The following ZNF138 variants were observed in gnomAD, a reference collection of about 807,000 sequenced individuals.
ZNF138 encodes zinc finger protein 138, also known as zinc finger protein 138 (clone pHZ-32).
A neutral mutation model predicts 33.0 loss-of-function variants in ZNF138; 33 were observed. The ratio of observed to expected loss-of-function variants is 1.00; its 90% CI spans 0.76 to 1.34. The LOEUF is 1.34. ZNF138 is among the 40% of genes most tolerant of loss of function. ZNF138 has a pLI of 0.00. For missense variants in ZNF138, 360 were observed against 370.8 expected (o/e 0.97, Z 0.24); for synonymous variants, 139 against 120.4 (o/e 1.15, Z -1.01).
At chr7:64,815,886 G>A (rs964383810) in intron 3 of ZNF138, among the ~76,000 whole-genome samples, 4 of 151,976 alleles carry the variant, frequency 2.6e-5, no homozygotes, top group Admixed American at 6.6e-5. Context: ...GAGAGCCAAC[G>A]TCCTTTTCAT....
intron 3 of ZNF138, among the ~76,000 whole-genome samples, chr7:64,826,833 A>G (rs1230258007): frequency 1.3e-5 from 2 of 151,724 alleles, no homozygotes; most frequent in East Asian, 2.0e-4. Flanking sequence ...TATTTTTAGT[A>G]TAGACAAGGT....
intron 1 of ZNF138, among the ~76,000 whole-genome samples, chr7:64,811,074 T>G (rs1323701551): frequency 6.6e-6 from 1 of 152,208 alleles, no homozygotes; most frequent in Non-Finnish European, 1.5e-5. Context: ...GCATTAAAGT[T>G]TTTCTTTCTG....
chr7:64,840,637 G>A, the ZNF138 span, among the ~76,000 whole-genome samples: 1 of 151,956 alleles, frequency 6.6e-6, no homozygotes, highest in South Asian at 2.1e-4. Flanking sequence ...ACTGACTACA[G>A]GGTCATTTTT....
At chr7:64,797,041 C>A (rs1786745515) in intron 1 of ZNF138, among the ~76,000 whole-genome samples, 1 of 152,152 alleles carries the variant, frequency 6.6e-6, no homozygotes, top group African/African-American at 2.4e-5. Context: ...CAGAGCGAGA[C>A]TCCATCTCAA....
chr7:64,828,663 A>T lies in ZNF138; in HGVS notation c.209-2788A>T, dbSNP rs545400332. Among the ~76,000 whole-genome samples the T allele has an allele frequency of 5.3e-5, 8 of 152,218 alleles. No individual in the cohort carries two copies. In the South Asian group the frequency reaches 1.7e-3, roughly 32 times the overall value. On this transcript the variant is annotated intron_variant, in intron 3 of 3. Transcript: ENST00000307355. ...TGACTGTATATTTGAAAGTATATAT[A>T]TGTTGCATTCTATTTTATTAGTCTA...
At chr7:64,844,668 TG>T in the ZNF138 span, among the ~76,000 whole-genome samples, 2 of 148,426 alleles carry the variant, frequency 1.3e-5, no homozygotes, top group African/African-American at 5.0e-5. Flanking sequence ...AAGTTTTATG[TG>T]TTTTTTTGTT....
chr7:64,836,926 G>T (rs982165781), downstream of ZNF138: 3 of 152,210 alleles, frequency 2.0e-5, no homozygotes, highest in South Asian at 2.1e-4. Flanking sequence ...CAGTGAGAGG[G>T]AGTCTGAGAG....
At chr7:64,825,862 G>A (rs960685860) in intron 3 of ZNF138, among the ~76,000 whole-genome samples, 1 of 151,928 alleles carries the variant, frequency 6.6e-6, no homozygotes, top group African/African-American at 2.4e-5. Flanking sequence ...TTAAGATACT[G>A]TTACACTTCG....
At chr7:64,804,027 A>G (rs932612607) in intron 1 of ZNF138, among the ~76,000 whole-genome samples, 49 of 152,238 alleles carry the variant, frequency 3.2e-4, no homozygotes, top group African/African-American at 1.1e-3. Context: ...ATATTCCACT[A>G]TATTAACAAA....
intron 3 of ZNF138, among the ~76,000 whole-genome samples, chr7:64,816,264 G>A (rs1233083592): frequency 6.6e-6 from 1 of 152,038 alleles, no homozygotes; most frequent in Non-Finnish European, 1.5e-5. Flanking sequence ...TTGATATGGA[G>A]TATATTGAAT....
intron 1 of ZNF138, among the ~76,000 whole-genome samples, chr7:64,810,452 A>AGAGGGAGGGGGG (rs1554365355): frequency 2.1e-5 from 2 of 96,556 alleles, no homozygotes; most frequent in African/African-American, 3.8e-5. Context: ...AGGGAGAGGG[A>AGAGGGAGGGGGG]GAGGGGGAGG....
At position 64,814,909 on chromosome 7, in the gene ZNF138, G is replaced by GT. The variant is rs759385305; in HGVS notation, c.4-4dup. On this transcript the variant is annotated splice_polypyrimidine_tract_variant and intron_variant, in intron 1 of 3. Coordinates refer to ENST00000307355, the MANE Select transcript of ZNF138 (RefSeq NM_001271639.2). ...TGTGTGTGTGTGTTTGTGTGTGCGT[G>GT]TTTTTCAGGGACCACTGACATTTAT... is the stretch of plus-strand genomic sequence containing the variant. 16 of 1,610,960 alleles carry GT rather than the reference G, an allele frequency of 9.9e-6. No homozygotes were observed. The highest frequency in any genetic ancestry group is 2.7e-5 in the African/African-American group (2 of 74,790).
the ZNF138 span, among the ~76,000 whole-genome samples, chr7:64,855,286 C>G: frequency 4.6e-5 from 7 of 152,072 alleles, no homozygotes; most frequent in Non-Finnish European, 8.8e-5. Context: ...ACTCTGCCTC[C>G]CAAAGGCTAT....
chr7:64,831,076 T>G, intron 3 of ZNF138: 3 of 1,550,154 alleles, frequency 1.9e-6, no homozygotes, highest in Non-Finnish European at 2.6e-6. Flanking sequence ...GAAATAAAGA[T>G]GTATGTGTTA....
chr7:64,807,556 C>T (rs1562893633), intron 1 of ZNF138, among the ~76,000 whole-genome samples: 1 of 152,144 alleles, frequency 6.6e-6, no homozygotes, highest in Non-Finnish European at 1.5e-5. Context: ...TACTTTGCCT[C>T]CTGTAACAGT....
intron 3 of ZNF138, among the ~76,000 whole-genome samples, chr7:64,823,755 T>C (rs62456841): frequency 0.044 from 6,636 of 152,162 alleles, 206 homozygotes; most frequent in East Asian, 0.14. Context: ...CTGGCCAATA[T>C]GGTGAAACCT....
intron 1 of ZNF138, among the ~76,000 whole-genome samples, chr7:64,806,862 G>A (rs1562892710): frequency 6.6e-6 from 1 of 152,146 alleles, no homozygotes; most frequent in Non-Finnish European, 1.5e-5. Flanking sequence ...CTGTTGTTGG[G>A]AACAGGCTCC....
Position 64,832,606 on chromosome 7 carries a change from C to G in ZNF138, c.*404C>G. 1 of 508,956 alleles carries G rather than the reference C, an allele frequency of 2.0e-6. No homozygotes were observed. The highest frequency in any genetic ancestry group is 3.7e-6 in the Non-Finnish European group (1 of 268,152). 31.5% of individuals were successfully genotyped at this position (508,956 alleles called of 1,614,324 possible). On this transcript the variant is annotated 3_prime_UTR_variant, in exon 4 of 4. Coordinates refer to ENST00000307355, the MANE Select transcript of ZNF138 (RefSeq NM_001271639.2). ...TACAAATGTGAAGAATGTGGCAAAG[C>G]TTTTAACCAGTCCTCACACCTTATG... is the stretch of plus-strand genomic sequence containing the variant.
Position 64,808,596 on chromosome 7 carries a change from AATTT to A in ZNF138, c.4-6313_4-6310del, listed in dbSNP as rs778756059. On this transcript the variant is annotated intron_variant, in intron 1 of 3. Coordinates refer to ENST00000307355, the MANE Select transcript of ZNF138 (RefSeq NM_001271639.2). ...AGTATTTCTGTTTCTTTTTTTTTTA[AATTT>A]ATTTATTTTTTATTGATAATTCTTG... 1.7e-3 allele frequency among the ~76,000 whole-genome samples: 251 copies of A among 150,414 alleles called. 2 individuals carry two copies. Among genetic ancestry groups the A allele is most frequent in the Non-Finnish European group, 3.0e-3 (202 of 67,536 alleles).
Sources: allele counts gnomAD v4.1 joint callset (sites outside exome capture counted in the v4.1 genomes callset), GRCh38; gene constraint gnomAD v4.1.1; transcripts MANE v1.5; gene names NCBI Gene and HGNC (gene_info 2026-07-23, HGNC 2026-07-21).